Variants in PTPRK observed in about 807,000 individuals in gnomAD.
The protein encoded by PTPRK is receptor-type tyrosine-protein phosphatase kappa.
A neutral mutation model predicts 178.0 loss-of-function variants in PTPRK; 75 were observed. The observed-to-expected ratio is 0.42, with a 90% CI of 0.35 to 0.51. The LOEUF (loss-of-function observed/expected upper bound fraction) is 0.51, where lower values mean the gene tolerates loss of function less well. Ranked by LOEUF, PTPRK falls within the 20% of genes least tolerant of loss-of-function variation. The pLI is 0.02. For synonymous variants in PTPRK, 637 were observed against 620.6 expected, an observed-to-expected ratio of 1.03 and a Z score of -0.39; for missense variants, 1,441 against 1,797.8, an observed-to-expected ratio of 0.80 and a Z score of 3.59.
intron 3 of PTPRK, among the ~76,000 whole-genome samples, chr6:128,248,867 C>T (rs1815957890): frequency 6.6e-6 from 1 of 152,080 alleles, no homozygotes; most frequent in Non-Finnish European, 1.5e-5. Flanking sequence ...AGGTAAGAAA[C>T]ACTTAAACTT....
chr6:128,012,594 G>C (rs983966103), intron 13 of PTPRK, among the ~76,000 whole-genome samples: 3 of 150,816 alleles, frequency 2.0e-5, no homozygotes, highest in Non-Finnish European at 4.5e-5. Flanking sequence ...TTTGTACAAC[G>C]AGAAAAAAAA....
intron 2 of PTPRK, among the ~76,000 whole-genome samples, chr6:128,381,355 T>C (rs575985013): frequency 2.6e-5 from 4 of 152,192 alleles, no homozygotes; most frequent in Admixed American, 1.3e-4. Flanking sequence ...GATATCATTA[T>C]GCGTCAGAGT....
At chr6:128,346,852 G>T (rs1330329688) in intron 2 of PTPRK, among the ~76,000 whole-genome samples, 1 of 152,076 alleles carries the variant, frequency 6.6e-6, no homozygotes, top group Non-Finnish European at 1.5e-5. Flanking sequence ...CACATAGGAA[G>T]TCTACAACAA....
At chr6:128,196,876 T>A (rs759692433) in intron 6 of PTPRK, among the ~76,000 whole-genome samples, 6 of 152,170 alleles carry the variant, frequency 3.9e-5, no homozygotes, top group Non-Finnish European at 5.9e-5. Context: ...CCAGGTCAGC[T>A]GAAAATTTGC....
Position 128,519,483 on chromosome 6 carries a change from G to A in PTPRK, c.100+776C>T, listed in dbSNP as rs1858654524. Among the ~76,000 whole-genome samples the A allele has an allele frequency of 6.6e-6, 1 of 152,216 alleles. No homozygotes were observed. The highest frequency in any genetic ancestry group is 1.5e-5 in the Non-Finnish European group (1 of 68,036). ...CGGGGAGCGCGGGGCCAGAGCCCCA[G>A]GCCGGATCCGGGGAGCGCGGGGCCA... On this transcript the variant is annotated intron_variant, in intron 1 of 29. Transcript: ENST00000368226. This position sits in a 1 kb window ranked among gnomAD's most constrained non-coding sequence, Gnocchi z 4.3.
intron 1 of PTPRK, among the ~76,000 whole-genome samples, chr6:128,430,571 T>A (rs80251267): frequency 3.3e-5 from 5 of 152,158 alleles, no homozygotes; most frequent in African/African-American, 4.8e-5. Context: ...GAGGACATGA[T>A]AACTAGTGAA....
At chr6:128,369,868 C>T (rs1341009300) in intron 2 of PTPRK, among the ~76,000 whole-genome samples, 1 of 151,880 alleles carries the variant, frequency 6.6e-6, no homozygotes, top group Non-Finnish European at 1.5e-5. Flanking sequence ...AGGATAGTAG[C>T]AAACAGAAGT....
At chr6:128,254,994 T>G (rs749510193) in intron 3 of PTPRK, among the ~76,000 whole-genome samples, 2 of 152,164 alleles carry the variant, frequency 1.3e-5, no homozygotes, top group African/African-American at 2.4e-5. Context: ...ATCAGGGTTT[T>G]GTTTTGTTTT....
At chr6:128,445,200 T>TTATATATATATA (rs779511665) in intron 1 of PTPRK, among the ~76,000 whole-genome samples, 13 of 132,424 alleles carry the variant, frequency 9.8e-5, no homozygotes, top group Middle Eastern at 3.8e-3. Flanking sequence ...ACTATTTTAT[T>TTATATATATATA]TATATATATA....
At chr6:128,396,337 A>ATATATTATATATACATAACTATAT (rs1229651699) in intron 2 of PTPRK, among the ~76,000 whole-genome samples, 1 of 148,488 alleles carries the variant, frequency 6.7e-6, no homozygotes, top group African/African-American at 2.4e-5. Flanking sequence ...CATAATGATA[A>ATATATTATATATACATAACTATAT]TATATTATAT....
intron 11 of PTPRK, among the ~76,000 whole-genome samples, chr6:128,078,057 T>C (rs902598409): frequency 1.3e-5 from 2 of 152,008 alleles, no homozygotes; most frequent in African/African-American, 2.4e-5. Context: ...ATTTACTGCA[T>C]TGGACAGGAG....
chr6:128,334,339 T>G (rs1830638282), intron 2 of PTPRK, among the ~76,000 whole-genome samples: 1 of 152,222 alleles, frequency 6.6e-6, no homozygotes, highest in Non-Finnish European at 1.5e-5. Context: ...TGCCTGTAGC[T>G]GTACTGAATG....
chr6:128,310,120 G>A (rs1368693331), intron 3 of PTPRK, among the ~76,000 whole-genome samples: 1 of 152,128 alleles, frequency 6.6e-6, no homozygotes, highest in Non-Finnish European at 1.5e-5. Context: ...AGTTATAGAT[G>A]ACTAAGCTTT....
intron 13 of PTPRK, among the ~76,000 whole-genome samples, chr6:128,017,684 C>T (rs1253390103): frequency 6.7e-6 from 1 of 148,510 alleles, no homozygotes; most frequent in Non-Finnish European, 1.5e-5. Context: ...TCACTGTTTT[C>T]AGCTCGCTCT....
intron 1 of PTPRK, among the ~76,000 whole-genome samples, chr6:128,496,132 T>C (rs2128433705): frequency 6.6e-6 from 1 of 151,672 alleles, no homozygotes; most frequent in Admixed American, 6.5e-5. Flanking sequence ...AAAAGGACTA[T>C]GACCTCAGTC....
At chr6:128,150,194 T>TG (rs1249888608) in intron 7 of PTPRK, among the ~76,000 whole-genome samples, 1 of 151,808 alleles carries the variant, frequency 6.6e-6, no homozygotes, top group Non-Finnish European at 1.5e-5. Flanking sequence ...GGGGTAAGAG[T>TG]GGGGGTGGGG....
chr6:128,235,725 G>A (rs1283948417), intron 5 of PTPRK: 1 of 362,214 alleles, frequency 2.8e-6, no homozygotes, highest in Non-Finnish European at 5.9e-6. Context: ...GTGTGTTTCT[G>A]ACATCCCAAC....
At chr6:128,388,124 C>T (rs1348624788) in intron 2 of PTPRK, among the ~76,000 whole-genome samples, 1 of 152,180 alleles carries the variant, frequency 6.6e-6, no homozygotes, top group Non-Finnish European at 1.5e-5. Flanking sequence ...CTAAATCCCA[C>T]AGCTTTGAAA....
chr6:128,229,425 T>G (rs1255142164), intron 5 of PTPRK, among the ~76,000 whole-genome samples: 2 of 152,206 alleles, frequency 1.3e-5, no homozygotes, highest in Non-Finnish European at 2.9e-5. Context: ...CATTAGGTAT[T>G]TTATCATTAA....
Sources: allele counts gnomAD v4.1 joint callset (sites outside exome capture counted in the v4.1 genomes callset), GRCh38; gene constraint gnomAD v4.1.1; non-coding constraint Gnocchi (gnomAD v3.1); transcripts MANE v1.5; gene names NCBI Gene and HGNC (gene_info 2026-07-23, HGNC 2026-07-21).